ADGRB3: variants seen among roughly 807,000 people sequenced by gnomAD.
ADGRB3 encodes the protein brain-specific angiogenesis inhibitor 3.
Under a neutral mutation model 193.4 loss-of-function variants are expected in ADGRB3, and 37 were observed. That is an observed-to-expected ratio of 0.19 (90% CI 0.15 to 0.25). The LOEUF (loss-of-function observed/expected upper bound fraction) is 0.25, where lower values mean the gene tolerates loss of function less well. Ranked by LOEUF, ADGRB3 falls within the 10% of genes least tolerant of loss-of-function variation. The probability of loss-of-function intolerance (pLI) is 1.00; values close to 1 mark genes in which losing one functional copy is unlikely to be tolerated. For missense variants in ADGRB3, 1,637 were observed against 1,852.9 expected (o/e 0.88, Z 2.14); for synonymous variants, 690 against 644.2 (o/e 1.07, Z -1.08).
intron 3 of ADGRB3, among the ~76,000 whole-genome samples, chr6:68,894,096 A>G (rs1264103626): frequency 2.0e-5 from 3 of 151,980 alleles, no homozygotes; most frequent in Admixed American, 6.6e-5. Context: ...GAATAATACT[A>G]TGAAATAACA....
chr6:68,638,280 T>C (rs1378225606), intron 2 of ADGRB3, among the ~76,000 whole-genome samples: 1 of 152,258 alleles, frequency 6.6e-6, no homozygotes, highest in Non-Finnish European at 1.5e-5. Context: ...GACTATAGAC[T>C]GATTAATACT....
At chr6:69,080,500 G>A (rs948146802) in intron 17 of ADGRB3, among the ~76,000 whole-genome samples, 1 of 151,938 alleles carries the variant, frequency 6.6e-6, no homozygotes, top group East Asian at 1.9e-4. Flanking sequence ...CAAGAAAGAG[G>A]TCTTGTTGGA....
chr6:68,876,869 T>C (rs2150222570), intron 3 of ADGRB3, among the ~76,000 whole-genome samples: 1 of 152,248 alleles, frequency 6.6e-6, no homozygotes, highest in Non-Finnish European at 1.5e-5. Context: ...TTAACTAGTT[T>C]ACAGGTATGG....
chr6:68,900,054 T>C (rs1034119743), intron 3 of ADGRB3, among the ~76,000 whole-genome samples: 10 of 152,094 alleles, frequency 6.6e-5, no homozygotes, highest in African/African-American at 2.4e-4. Flanking sequence ...AAAGACACTG[T>C]CTTGTACACA....
chr6:69,183,990 A>G (rs1765009482), intron 17 of ADGRB3, among the ~76,000 whole-genome samples: 1 of 152,148 alleles, frequency 6.6e-6, no homozygotes, highest in Non-Finnish European at 1.5e-5. Context: ...AAAGTTCACA[A>G]AAACTCAAGT....
intron 20 of ADGRB3, among the ~76,000 whole-genome samples, chr6:69,299,745 C>G (rs1450163539): frequency 6.6e-6 from 1 of 151,730 alleles, no homozygotes; most frequent in Non-Finnish European, 1.5e-5. Flanking sequence ...ATCTATGTGT[C>G]TGTATTTATG....
At chr6:69,317,970 T>C (rs984042915) in intron 20 of ADGRB3, among the ~76,000 whole-genome samples, 1 of 151,552 alleles carries the variant, frequency 6.6e-6, no homozygotes, top group Admixed American at 6.6e-5. Context: ...ACTAGCCCGT[T>C]GATTCTTTTT....
chr6:68,711,254 TATTATAAA>T (rs1170914091), intron 3 of ADGRB3, among the ~76,000 whole-genome samples: 1 of 152,096 alleles, frequency 6.6e-6, no homozygotes, highest in East Asian at 1.9e-4. Context: ...CTTTTACAGT[TATTATAAA>T]ATTGTCTTGA....
At chr6:69,250,985 T>G (rs1472650129) in intron 20 of ADGRB3, among the ~76,000 whole-genome samples, 1 of 152,194 alleles carries the variant, frequency 6.6e-6, no homozygotes, top group Non-Finnish European at 1.5e-5. Context: ...TGCCTCATAT[T>G]CATTACTCTT....
intron 17 of ADGRB3, among the ~76,000 whole-genome samples, chr6:69,164,535 T>G (rs1029875008): frequency 3.9e-5 from 6 of 152,104 alleles, no homozygotes; most frequent in African/African-American, 9.7e-5. Flanking sequence ...AGCATAAGAT[T>G]TATCTCTGAG....
At chr6:68,761,392 T>G (rs115785286) in intron 3 of ADGRB3, among the ~76,000 whole-genome samples, 3,802 of 151,830 alleles carry the variant, frequency 0.025, 293 homozygotes, top group African/African-American at 0.085. Context: ...GCAGGCAGTC[T>G]CAGGCGTGAC....
chr6:68,772,884 A>AAACAAAAC (rs1766651827), intron 3 of ADGRB3, among the ~76,000 whole-genome samples: 1 of 35,282 alleles, frequency 2.8e-5, no homozygotes, highest in African/African-American at 2.2e-4. Flanking sequence ...CAAACAAACA[A>AAACAAAAC]AAAAAAAAAA....
chr6:68,736,185 A>G (rs933946538), intron 3 of ADGRB3, among the ~76,000 whole-genome samples: 1 of 151,726 alleles, frequency 6.6e-6, no homozygotes, highest in African/African-American at 2.4e-5. Flanking sequence ...GCTAATTAAA[A>G]AAAAAAAAAA....
intron 17 of ADGRB3, among the ~76,000 whole-genome samples, chr6:69,203,452 T>G (rs374388692): frequency 4.6e-5 from 5 of 109,074 alleles, no homozygotes; most frequent in African/African-American, 1.7e-4. Flanking sequence ...ATTGTTTTTG[T>G]TTTTTTTTTC....
intron 17 of ADGRB3, among the ~76,000 whole-genome samples, chr6:69,154,212 T>C (rs777509562): frequency 6.6e-6 from 1 of 152,174 alleles, no homozygotes; most frequent in African/African-American, 2.4e-5. Flanking sequence ...TTAGGAGGGA[T>C]CGTAGTTCCC....
chr6:68,782,813 TG>T (rs1766882836), intron 3 of ADGRB3, among the ~76,000 whole-genome samples: 1 of 151,684 alleles, frequency 6.6e-6, no homozygotes, highest in Non-Finnish European at 1.5e-5. Flanking sequence ...CACTTTTTGA[TG>T]GGGTTGTTTG....
intron 25 of ADGRB3, 44 bp downstream of exon 25, chr6:69,339,058 A>T (rs761285016): frequency 2.6e-5 from 41 of 1,588,336 alleles, no homozygotes; most frequent in Middle Eastern, 3.3e-4. Context: ...AATCTTTTAC[A>T]GTGCATGTGA....
At chr6:69,101,433 CGTGTGTGTGTGTGT>C (rs59471051) in intron 17 of ADGRB3, among the ~76,000 whole-genome samples, 2 of 145,396 alleles carry the variant, frequency 1.4e-5, no homozygotes, top group East Asian at 4.1e-4. Flanking sequence ...CAGTAAGTAT[CGTGTGTGTGTGTGT>C]GTGTGTGTGT....
At chr6:69,269,335 A>G (rs528767082) in intron 20 of ADGRB3, among the ~76,000 whole-genome samples, 3 of 152,134 alleles carry the variant, frequency 2.0e-5, no homozygotes, top group Non-Finnish European at 4.4e-5. Context: ...ATTTTCAGAG[A>G]AAAAAACATT....
Sources: gnomAD v4.1 joint callset for allele counts (sites outside exome capture counted in the v4.1 genomes callset) on GRCh38, gnomAD v4.1.1 for gene constraint, MANE v1.5 for transcripts, NCBI Gene and HGNC (gene_info 2026-07-23, HGNC 2026-07-21) for gene names.